SEL1L3: variants seen among roughly 807,000 people sequenced by gnomAD.
SEL1L3 encodes the protein SEL1L family member 3.
SEL1L3 carries 76 observed loss-of-function variants against 142.8 expected under a neutral mutation model. The observed-to-expected ratio is 0.53, with a 90% CI of 0.44 to 0.64. The LOEUF is 0.64. Among genes scored for constraint, SEL1L3 ranks in the 30% least tolerant of loss-of-function variants. The probability of loss-of-function intolerance (pLI) is 0.00; values close to 1 mark genes in which losing one functional copy is unlikely to be tolerated. For synonymous variants in SEL1L3, 504 were observed against 519.6 expected (o/e 0.97, Z 0.41); for missense variants, 1,262 against 1,381.7 (o/e 0.91, Z 1.37).
intron 23 of SEL1L3, among the ~76,000 whole-genome samples, chr4:25,755,490 A>G (rs1482470118): frequency 6.6e-6 from 1 of 152,168 alleles, no homozygotes; most frequent in Non-Finnish European, 1.5e-5. Context: ...ATAGAATTAA[A>G]TAATTTTTAT....
intron 18 of SEL1L3, 57 bp from the exon 19 acceptor site, chr4:25,767,666 C>T (rs1349674841): frequency 4.7e-6 from 7 of 1,474,510 alleles, no homozygotes; most frequent in Admixed American, 1.9e-5. Context: ...AAGTGACCAA[C>T]GTTGCCTCCA....
chr4:25,828,294 A>T (rs368949053), intron 6 of SEL1L3, among the ~76,000 whole-genome samples: 3 of 151,782 alleles, frequency 2.0e-5, no homozygotes, highest in Non-Finnish European at 2.9e-5. Flanking sequence ...GAAAACAGGA[A>T]TTTTTTTTTA....
chr4:25,753,354 A>G (rs1717725039), intron 23 of SEL1L3, among the ~76,000 whole-genome samples: 1 of 152,262 alleles, frequency 6.6e-6, no homozygotes, highest in Non-Finnish European at 1.5e-5. Context: ...TCTCTAACTT[A>G]TAGCAACAAT....
At chr4:25,854,078 G>C (rs969598369) in intron 1 of SEL1L3, among the ~76,000 whole-genome samples, 1 of 152,054 alleles carries the variant, frequency 6.6e-6, no homozygotes, top group African/African-American at 2.4e-5. Context: ...TTCTAAATTT[G>C]AGGTCAGCTG....
intron 8 of SEL1L3, among the ~76,000 whole-genome samples, chr4:25,818,948 T>C (rs1242113618): frequency 6.6e-6 from 1 of 152,162 alleles, no homozygotes; most frequent in Non-Finnish European, 1.5e-5. Context: ...GACTGGGGCA[T>C]GTTTGAGATG....
At chr4:25,791,035 C>A (rs992872591) in intron 11 of SEL1L3, among the ~76,000 whole-genome samples, 1 of 152,206 alleles carries the variant, frequency 6.6e-6, no homozygotes, top group Admixed American at 6.5e-5. Flanking sequence ...CCTTGAGAAA[C>A]CGAAGTTATT....
intron 17 of SEL1L3, chr4:25,773,189 A>G (rs1256528644): frequency 6.6e-6 from 1 of 152,242 alleles, no homozygotes; most frequent in African/African-American, 2.4e-5. Flanking sequence ...TATAAAGGTC[A>G]GAAATAAGCC....
At position 25,848,195 on chromosome 4, in the gene SEL1L3, G is replaced by A. The variant is rs116692186; in HGVS notation, c.163-331C>T. Among the ~76,000 whole-genome samples the A allele has an allele frequency of 3.8e-3, 578 of 152,250 alleles. 6 individuals are homozygous for A. The highest frequency in any genetic ancestry group is 8.5e-3 in the South Asian group (41 of 4,820). Reference sequence around the variant, plus strand: ...GGTTCACAACAAATCCAGTAGCAAGGGAACCTGCCTTAGAATAAAACAGAG... The same window carrying A: ...GGTTCACAACAAATCCAGTAGCAAGAGAACCTGCCTTAGAATAAAACAGAG... On this transcript the variant is annotated intron_variant, in intron 1 of 23. Coordinates refer to ENST00000399878, the MANE Select transcript of SEL1L3 (RefSeq NM_015187.5).
At position 25,757,757 on chromosome 4, in the gene SEL1L3, G is replaced by A; in HGVS notation, c.3117C>T (p.Ser1039=). 6.3e-7 allele frequency: 1 copy of A among 1,593,652 alleles called. No individual in the cohort carries two copies. Among genetic ancestry groups the A allele is most frequent in the Non-Finnish European group, 8.5e-7 (1 of 1,170,470 alleles). ...GGTAAAGCCAGGCCAAGGAGCAGGG[G>A]CTGAAGGACTCCTCGTTACTGTGGC... ...CWSHSNEESF[S]PCSLAWLYLH... The change falls in exon 22 of 24, where the codon AGC becomes AGT. Residue 1039 remains serine (S), a synonymous_variant. Coordinates refer to ENST00000399878, the MANE Select transcript of SEL1L3 (RefSeq NM_015187.5).
At chr4:25,800,908 T>C (rs1275931607) in intron 11 of SEL1L3, among the ~76,000 whole-genome samples, 1 of 152,200 alleles carries the variant, frequency 6.6e-6, no homozygotes, top group Non-Finnish European at 1.5e-5. Context: ...CAGTAGCCAC[T>C]CTAGATTTCT....
intron 9 of SEL1L3, 46 bp from the exon 10 acceptor site, chr4:25,804,798 A>G: frequency 7.3e-7 from 1 of 1,378,210 alleles, no homozygotes; most frequent in Non-Finnish European, 1.0e-6. Context: ...TTACCATGGG[A>G]TCGATGTGGC....
intron 2 of SEL1L3, among the ~76,000 whole-genome samples, chr4:25,845,258 G>A (rs994884675): frequency 3.3e-5 from 5 of 152,182 alleles, no homozygotes; most frequent in Non-Finnish European, 7.3e-5. Flanking sequence ...ACTTTGGAAG[G>A]CCAAGGTGGG....
intron 23 of SEL1L3, among the ~76,000 whole-genome samples, chr4:25,749,881 G>A (rs1220752400): frequency 2.6e-5 from 4 of 152,092 alleles, no homozygotes; most frequent in Non-Finnish European, 4.4e-5. Flanking sequence ...GTAATATTTC[G>A]CGACATGTGA....
the SEL1L3 span, among the ~76,000 whole-genome samples, chr4:25,731,434 C>T: frequency 6.6e-6 from 1 of 152,182 alleles, no homozygotes; most frequent in Non-Finnish European, 1.5e-5. Context: ...ATCCTCACCA[C>T]AATCAAGATG....
intron 1 of SEL1L3, among the ~76,000 whole-genome samples, 162 bp downstream of exon 1, chr4:25,862,513 T>C (rs1577713821): frequency 6.6e-6 from 1 of 151,974 alleles, no homozygotes. Context: ...ACGCCCGGGG[T>C]ACCTATCCCA....
downstream of SEL1L3, among the ~76,000 whole-genome samples, chr4:25,742,910 T>C (rs529506587): frequency 6.6e-6 from 1 of 152,230 alleles, no homozygotes; most frequent in East Asian, 1.9e-4. Context: ...AGCTTGGAAA[T>C]GATTAAGCAG....
intron 23 of SEL1L3, among the ~76,000 whole-genome samples, chr4:25,749,085 G>C (rs1717423603): frequency 6.6e-6 from 1 of 152,146 alleles, no homozygotes; most frequent in Non-Finnish European, 1.5e-5. Context: ...AGGAGAACTG[G>C]GTTGGACAAG....
intron 6 of SEL1L3, among the ~76,000 whole-genome samples, chr4:25,822,718 G>C (rs369000481): frequency 6.6e-6 from 1 of 152,196 alleles, no homozygotes; most frequent in East Asian, 1.9e-4. Flanking sequence ...GTGAGCACAG[G>C]TGATGAGTTG....
intron 5 of SEL1L3, among the ~76,000 whole-genome samples, chr4:25,831,510 A>ATTATT (rs1560340042): frequency 2.0e-4 from 25 of 122,598 alleles, no homozygotes; most frequent in East Asian, 7.3e-4. Context: ...TAATAATAAT[A>ATTATT]ATTATTATTA....
Sources: gnomAD v4.1 joint callset for allele counts (sites outside exome capture counted in the v4.1 genomes callset) on GRCh38, gnomAD v4.1.1 for gene constraint, MANE v1.5 for transcripts, NCBI Gene and HGNC (gene_info 2026-07-23, HGNC 2026-07-21) for gene names.